VSTM5: variants seen among roughly 807,000 people sequenced by gnomAD.
VSTM5 encodes V-set and transmembrane domain containing 5.
VSTM5 carries 21 observed loss-of-function variants against 20.3 expected under a neutral mutation model. That is an observed-to-expected ratio of 1.03 (90% CI 0.73 to 1.49). The LOEUF (loss-of-function observed/expected upper bound fraction) is 1.49, where lower values mean the gene tolerates loss of function less well. Among genes scored for constraint, VSTM5 ranks in the 40% most tolerant of loss-of-function variants. The pLI is 0.00. For missense variants in VSTM5, 219 were observed against 250.0 expected (o/e 0.88, Z 0.84); for synonymous variants, 100 against 102.5 (o/e 0.98, Z 0.14).
chr11:93,830,087 G>T (rs1944269403), intron 1 of VSTM5, among the ~76,000 whole-genome samples: 1 of 152,168 alleles, frequency 6.6e-6, no homozygotes, highest in Non-Finnish European at 1.5e-5. Flanking sequence ...TCAGATTTGG[G>T]ACTTGGTGAT....
intron 1 of VSTM5, among the ~76,000 whole-genome samples, chr11:93,843,100 A>G (rs150787598): frequency 0.017 from 2,533 of 152,148 alleles, 202 homozygotes; most frequent in Admixed American, 0.14. Context: ...AAAAAAAAAA[A>G]AGAGAATTCA....
intron 1 of VSTM5, among the ~76,000 whole-genome samples, chr11:93,845,600 G>C (rs1309563453): frequency 6.6e-6 from 1 of 152,212 alleles, no homozygotes; most frequent in East Asian, 1.9e-4. Context: ...ATTCCTGCTG[G>C]ATAAGTAATT....
intron 1 of VSTM5, among the ~76,000 whole-genome samples, chr11:93,835,443 A>C (rs1030345195): frequency 6.6e-6 from 1 of 152,216 alleles, no homozygotes; most frequent in African/African-American, 2.4e-5. Context: ...TAAAAAAATT[A>C]AAAAGAAATT....
chr11:93,844,515 C>A (rs1325543823), intron 1 of VSTM5, among the ~76,000 whole-genome samples: 2 of 152,190 alleles, frequency 1.3e-5, no homozygotes, highest in African/African-American at 2.4e-5. Flanking sequence ...CCTTCCCAAG[C>A]TCCATTCCCT....
intron 1 of VSTM5, among the ~76,000 whole-genome samples, chr11:93,834,336 ACTTC>A (rs1292393832): frequency 3.3e-5 from 5 of 152,192 alleles, no homozygotes; most frequent in Non-Finnish European, 7.4e-5. Context: ...TGCTGCTGAC[ACTTC>A]CTTCTGATTT....
At position 93,850,529 on chromosome 11, in the gene VSTM5, G is replaced by C. The variant is rs767323659; in HGVS notation, c.-27C>G. Reference sequence around the variant, plus strand: ...GGCGAGCCCGGGGCCTCGCGGGCCGGGGTGTGTGCTGGCCGCACCGCGCTG... The same window carrying C: ...GGCGAGCCCGGGGCCTCGCGGGCCGCGGTGTGTGCTGGCCGCACCGCGCTG... On this transcript the variant is annotated 5_prime_UTR_variant, in exon 1 of 4. Transcript: ENST00000409977. 5 of 1,533,666 alleles carry C rather than the reference G, an allele frequency of 3.3e-6. No individual in the cohort carries two copies. The South Asian group carries it at 4.8e-5, about 15-fold the overall frequency.
At chr11:93,840,683 C>T (rs544994991) in intron 1 of VSTM5, among the ~76,000 whole-genome samples, 1 of 152,294 alleles carries the variant, frequency 6.6e-6, no homozygotes, top group South Asian at 2.1e-4. Context: ...CCCTTCAAAA[C>T]TCTAACACAG....
intron 1 of VSTM5, among the ~76,000 whole-genome samples, chr11:93,838,659 G>A (rs1944344158): frequency 6.7e-6 from 1 of 148,828 alleles, no homozygotes; most frequent in African/African-American, 2.5e-5. Flanking sequence ...AAAGCTGGGT[G>A]TGGCGCTGGC....
chr11:93,850,142 TGGGGCGGGCGCCCCGAAGTGGGCC>T (rs1437501688), intron 1 of VSTM5, among the ~76,000 whole-genome samples: 3 of 151,658 alleles, frequency 2.0e-5, no homozygotes. Flanking sequence ...GCTCGCCGGG[TGGGGCGGGCGCCCCGAAGTGGGCC>T]GGGGCGCCGC....
At chr11:93,836,964 C>A (rs565055632) in intron 1 of VSTM5, among the ~76,000 whole-genome samples, 1 of 151,336 alleles carries the variant, frequency 6.6e-6, no homozygotes, top group South Asian at 2.1e-4. Context: ...TCTTGTGTGA[C>A]CCTTGGGATC....
At position 93,850,425 on chromosome 11, in the gene VSTM5, G is replaced by A; in HGVS notation, c.78C>T (p.Ala26=). The A allele has an allele frequency of 6.5e-7, 1 of 1,549,148 alleles. No homozygotes were observed. Among genetic ancestry groups the A allele is most frequent in the Non-Finnish European group, 8.7e-7 (1 of 1,146,254 alleles). Reference sequence around the variant, plus strand: ...CCCGGAGCTTACTCTGCAGACAGCGGGCTGCGGCCAGGCAGAGGGCGAAGA... The same window carrying A: ...CCCGGAGCTTACTCTGCAGACAGCGAGCTGCGGCCAGGCAGAGGGCGAAGA... ...LGLFALCLAA[A]RCLQSQGVSL... Residue 26 remains alanine, a synonymous_variant, in exon 1 of 4, where the codon GCC becomes GCT. Coordinates refer to ENST00000409977, the MANE Select transcript of VSTM5 (RefSeq NM_001144871.2).
intron 1 of VSTM5, among the ~76,000 whole-genome samples, chr11:93,848,123 G>C (rs1944428705): frequency 6.6e-6 from 1 of 152,178 alleles, no homozygotes; most frequent in South Asian, 2.1e-4. Flanking sequence ...CATTTGTAGG[G>C]GAAAGGTTTC....
intron 1 of VSTM5, among the ~76,000 whole-genome samples, chr11:93,824,942 C>G (rs1331316434): frequency 6.6e-6 from 1 of 152,172 alleles, no homozygotes; most frequent in African/African-American, 2.4e-5. Context: ...ATTGTGTATT[C>G]TTGGCACTTT....
chr11:93,834,035 G>A (rs1018660146), intron 1 of VSTM5, among the ~76,000 whole-genome samples: 2 of 152,046 alleles, frequency 1.3e-5, no homozygotes, highest in African/African-American at 4.8e-5. Context: ...AAGGACTCCT[G>A]TCAATCTTTT....
intron 1 of VSTM5, among the ~76,000 whole-genome samples, chr11:93,839,341 C>T (rs758250834): frequency 3.3e-5 from 5 of 152,212 alleles, no homozygotes; most frequent in Admixed American, 2.6e-4. Context: ...GCCGTGGACA[C>T]ATATGGCTTC....
At chr11:93,850,350 C>T (rs1944448916) in intron 1 of VSTM5, 62 bp downstream of exon 1, 8 of 1,442,720 alleles carry the variant, frequency 5.5e-6, no homozygotes, top group Non-Finnish European at 7.5e-6. Flanking sequence ...CCCCGGGGCC[C>T]CGCCCGTGCC....
At chr11:93,840,218 A>C (rs991105649) in intron 1 of VSTM5, among the ~76,000 whole-genome samples, 1 of 152,180 alleles carries the variant, frequency 6.6e-6, no homozygotes, top group African/African-American at 2.4e-5. Flanking sequence ...CAGTTTTCTG[A>C]TTGAAAAGGA....
intron 1 of VSTM5, among the ~76,000 whole-genome samples, chr11:93,831,977 T>C (rs576836186): frequency 6.6e-6 from 1 of 152,340 alleles, no homozygotes; most frequent in Admixed American, 6.5e-5. Flanking sequence ...CCTGCTTGGA[T>C]GGCATATGAT....
At chr11:93,847,118 T>A (rs948038506) in intron 1 of VSTM5, among the ~76,000 whole-genome samples, 25 of 152,162 alleles carry the variant, frequency 1.6e-4, no homozygotes, top group African/African-American at 6.0e-4. Context: ...TTCCAGTGGG[T>A]ACATTTGTAT....
Sources: gnomAD v4.1 joint callset for allele counts (sites outside exome capture counted in the v4.1 genomes callset) on GRCh38, gnomAD v4.1.1 for gene constraint, MANE v1.5 for transcripts, NCBI Gene and HGNC (gene_info 2026-07-23, HGNC 2026-07-21) for gene names.